The following OR52N5 variants were observed in gnomAD, a reference collection of about 807,000 sequenced individuals.
OR52N5 encodes olfactory receptor family 52 subfamily N member 5.
In OR52N5, 10 loss-of-function variants were observed where a neutral mutation model predicts 14.1. That is an observed-to-expected ratio of 0.71 (90% CI 0.44 to 1.20). The LOEUF (loss-of-function observed/expected upper bound fraction) is 1.20, where lower values mean the gene tolerates loss of function less well. Among genes scored for constraint, OR52N5 ranks in the 50% most tolerant of loss-of-function variants. The pLI is 0.00. For synonymous variants in OR52N5, 116 were observed against 143.0 expected, an observed-to-expected ratio of 0.81 and a Z score of 1.35; for missense variants, 361 against 403.2, an observed-to-expected ratio of 0.90 and a Z score of 0.90.
chr11:5,776,954 A>G lies in OR52N5; in HGVS notation c.*706T>C, dbSNP rs1238270818. On this transcript the variant is annotated 3_prime_UTR_variant, in exon 3 of 3. Coordinates refer to ENST00000641181, the MANE Select transcript of OR52N5 (RefSeq NM_001385662.1). ...GGTGGATCTCAAGGAGATAGAGAGT[A>G]GACTGGTGGTTACCAGATGCTGGGA... is the stretch of plus-strand genomic sequence containing the variant. The G allele has an allele frequency of 2.1e-5, 3 of 139,932 alleles. No individual in the cohort carries two copies. Among genetic ancestry groups the G allele is most frequent in the African/African-American group, 7.9e-5 (3 of 38,194 alleles). 8.7% of individuals were successfully genotyped at this position (139,932 alleles called of 1,614,324 possible). A position where few individuals can be genotyped will look rare whatever the true frequency, so the allele number is the denominator to read the frequency against.
intron 2 of OR52N5, 95 bp downstream of exon 2, chr11:5,781,438 A>C (rs1213020086): frequency 7.1e-6 from 1 of 140,328 alleles, no homozygotes; most frequent in Non-Finnish European, 1.6e-5. Flanking sequence ...CCCTGAGCCT[A>C]CCCGACTTCT....
chr11:5,780,677 T>C lies in OR52N5; in HGVS notation c.-24+856A>G, dbSNP rs1854542246. Among the ~76,000 whole-genome samples the C allele has an allele frequency of 2.2e-5, 3 of 138,826 alleles. 1 individual carries two copies. The highest frequency in any genetic ancestry group is 7.9e-5 in the African/African-American group (3 of 38,098). The allele number at this position is 138,826 out of a possible 152,430, so 91.1% of individuals were successfully genotyped here. On this transcript the variant is annotated intron_variant, in intron 2 of 2. Coordinates refer to ENST00000641181, the MANE Select transcript of OR52N5 (RefSeq NM_001385662.1). Reference sequence around the variant, plus strand: ...AATTGAATAATGTAGAAAAAATGGATTATTTGACTCAGTAACATACCAAGA... The same window carrying C: ...AATTGAATAATGTAGAAAAAATGGACTATTTGACTCAGTAACATACCAAGA...
chr11:5,777,970 C>T lies in OR52N5; in HGVS notation c.665G>A (p.Cys222Tyr), dbSNP rs938781613. 6.6e-7 allele frequency: 1 copy of T among 1,519,034 alleles called. No individual in the cohort carries two copies. Among genetic ancestry groups the T allele is most frequent in the East Asian group, 2.3e-5 (1 of 42,836 alleles). The allele number at this position is 1,519,034 out of a possible 1,614,324, so 94.1% of individuals were successfully genotyped here. ...ALLIGVFDIC[C>Y]ISLSYTLILK... ...GATCAAAGTGTAAGACAAAGATATA[C>T]AACAAATGTCAAACACTCCAATCAG... is the stretch of plus-strand genomic sequence containing the variant. Residue 222 changes from cysteine (C) to tyrosine (Y), a missense_variant, in exon 3 of 3, where the codon TGT becomes TAT. Cys to Tyr is a radical substitution (Grantham distance 194). Coordinates refer to ENST00000641181, the MANE Select transcript of OR52N5 (RefSeq NM_001385662.1).
At position 5,776,643 on chromosome 11, in the gene OR52N5, G is replaced by A. The variant is rs542575879; in HGVS notation, c.*1017C>T. ...TTCATACCAACGACTTGATTAAAAC[G>A]GGCAATGTAACTTTTGTCTTTCTGT... On this transcript the variant is annotated 3_prime_UTR_variant, in exon 3 of 3. Coordinates refer to ENST00000641181, the MANE Select transcript of OR52N5 (RefSeq NM_001385662.1). 24 of 139,818 alleles carry A rather than the reference G, an allele frequency of 1.7e-4. 4 individuals carry two copies. The highest frequency in any genetic ancestry group is 3.2e-4 in the Non-Finnish European group (20 of 63,198). The allele number at this position is 139,818 out of a possible 1,614,324, so 8.7% of individuals were successfully genotyped here. A position where few individuals can be genotyped will look rare whatever the true frequency, so the allele number is the denominator to read the frequency against.
At chr11:5,778,696 T>C (rs1854524469) in intron 2 of OR52N5, 39 bp from the exon 3 acceptor site, 1 of 1,149,930 alleles carries the variant, frequency 8.7e-7, no homozygotes, top group Non-Finnish European at 1.2e-6. Context: ...TCATTCAAAT[T>C]TTCCTTGCAA....
Position 5,782,976 on chromosome 11 carries a change from A to T in OR52N5, c.-248+319T>A, listed in dbSNP as rs1359136935. ...AGAGACAGTAAAGTTCTTACTGTCC[A>T]CTTCTCTGACCCTGGCATTACAGCA... On this transcript the variant is annotated intron_variant, in intron 1 of 2. Transcript: ENST00000641181. Among the ~76,000 whole-genome samples, 2 of 138,378 alleles carry T rather than the reference A, an allele frequency of 1.4e-5. 1 individual carries two copies. Among genetic ancestry groups the T allele is most frequent in the Admixed American group, 1.5e-4 (2 of 13,352 alleles). 90.8% of individuals were successfully genotyped at this position (138,378 alleles called of 152,430 possible).
rs1272524350 is a variant in OR52N5, at chr11:5,781,761, T to C, written c.-247-5A>G. On this transcript the variant is annotated splice_polypyrimidine_tract_variant and splice_region_variant and intron_variant, in intron 1 of 2. Coordinates refer to ENST00000641181, the MANE Select transcript of OR52N5 (RefSeq NM_001385662.1). Reference sequence around the variant, plus strand: ...AGCATCCATGGTTGCCTCTGGCTGTTTACAACAGAAAACAGGCTCCTTTGA... The same window carrying C: ...AGCATCCATGGTTGCCTCTGGCTGTCTACAACAGAAAACAGGCTCCTTTGA... The C allele has an allele frequency of 7.1e-6, 1 of 140,684 alleles. No individual in the cohort carries two copies. The highest frequency in any genetic ancestry group is 2.6e-5 in the African/African-American group (1 of 38,396). The allele number at this position is 140,684 out of a possible 1,614,324, so 8.7% of individuals were successfully genotyped here. A position where few individuals can be genotyped will look rare whatever the true frequency, so the allele number is the denominator to read the frequency against.
Position 5,777,552 on chromosome 11 carries a change from G to C in OR52N5, c.*108C>G. 1.2e-6 allele frequency: 1 copy of C among 860,830 alleles called. No homozygotes were observed. Among genetic ancestry groups the C allele is most frequent in the African/African-American group, 1.8e-5 (1 of 55,300 alleles). The allele number at this position is 860,830 out of a possible 1,614,324, so 53.3% of individuals were successfully genotyped here. On this transcript the variant is annotated 3_prime_UTR_variant, in exon 3 of 3. Transcript: ENST00000641181. ...CAGTTTCAGAAAACATAGACTGAGA[G>C]AGAAAATGTATGATACTACACATGA... is the stretch of plus-strand genomic sequence containing the variant.
At position 5,777,706 on chromosome 11, in the gene OR52N5, C is replaced by G. The variant is rs775551894; in HGVS notation, c.929G>C (p.Arg310Pro). The change falls in exon 3 of 3, where the codon CGC (arginine) becomes CCC (proline). Residue 310 changes from arginine to proline, a missense_variant. Arg to Pro is a moderately radical substitution (Grantham distance 103). Coordinates refer to ENST00000641181, the MANE Select transcript of OR52N5 (RefSeq NM_001385662.1). Reference sequence around the variant, plus strand: ...CTGGAAGAACTTTATGACACTCTTGCGTATCTGTTTTGTCTTTACTCCATA... The same window carrying G: ...CTGGAAGAACTTTATGACACTCTTGGGTATCTGTTTTGTCTTTACTCCATA... ...IVYGVKTKQI[R>P]KSVIKFFQGD... The G allele has an allele frequency of 6.6e-7, 1 of 1,505,330 alleles. No homozygotes were observed. Among genetic ancestry groups the G allele is most frequent in the Admixed American group, 1.9e-5 (1 of 53,646 alleles). 93.2% of individuals were successfully genotyped at this position (1,505,330 alleles called of 1,614,324 possible).
rs1462299635 is a variant in OR52N5, at chr11:5,783,314, G to A, written c.-267C>T. 7.2e-6 allele frequency: 1 copy of A among 139,860 alleles called. No individual in the cohort carries two copies. The highest frequency in any genetic ancestry group is 1.6e-5 in the Non-Finnish European group (1 of 63,256). 8.7% of individuals were successfully genotyped at this position (139,860 alleles called of 1,614,324 possible). On this transcript the variant is annotated 5_prime_UTR_variant, in exon 1 of 3. Transcript: ENST00000641181. ...TCTTACCCACAATATAGCTCCTGAG[G>A]AGAAGTGATGTGAAAGGTGTTCATG...
intron 2 of OR52N5, among the ~76,000 whole-genome samples, chr11:5,780,775 G>T (rs186605101): frequency 7.2e-6 from 1 of 139,526 alleles, no homozygotes; most frequent in Admixed American, 7.4e-5. Flanking sequence ...TTCAGCAAAG[G>T]TGCCAAGAAC....
At position 5,777,676 on chromosome 11, in the gene OR52N5, T is replaced by C; in HGVS notation, c.959A>G (p.Asp320Gly). 1.4e-6 allele frequency: 2 copies of C among 1,479,254 alleles called. No homozygotes were observed. Among genetic ancestry groups the C allele is most frequent in the Non-Finnish European group, 1.8e-6 (2 of 1,093,382 alleles). 91.6% of individuals were successfully genotyped at this position (1,479,254 alleles called of 1,614,324 possible). The part of the protein sequence containing the change: ...RKSVIKFFQG[D>G]KGAG ...TGCCTTGAATCAACCTGCACCCTTA[T>C]CACCCTGGAAGAACTTTATGACACT... Residue 320 changes from aspartate (D) to glycine (G), a missense_variant, in exon 3 of 3, where the codon GAT (aspartate) becomes GGT (glycine). Coordinates refer to ENST00000641181, the MANE Select transcript of OR52N5 (RefSeq NM_001385662.1).
chr11:5,778,334 T>C lies in OR52N5; in HGVS notation c.301A>G (p.Ile101Val), dbSNP rs1464329470. The change falls in exon 3 of 3, where the codon ATT becomes GTT. Residue 101 changes from isoleucine (I) to valine (V), a missense_variant. Transcript: ENST00000641181. ...TGGGCCAAGCAAGCATTGAAGTTAA[T>C]TTCTTTGAGACTGAACCAGAAGATG... ...LCIFWFSLKEINFNACLAQMF... is the reference protein window; with the variant it reads ...LCIFWFSLKEVNFNACLAQMF... The C allele has an allele frequency of 1.3e-6, 2 of 1,520,340 alleles. 1 individual carries two copies. The highest frequency in any genetic ancestry group is 2.9e-5 in the African/African-American group (2 of 69,784). 94.2% of individuals were successfully genotyped at this position (1,520,340 alleles called of 1,614,324 possible).
At chr11:5,780,953 A>C (rs1854545702) in intron 2 of OR52N5, among the ~76,000 whole-genome samples, 1 of 140,382 alleles carries the variant, frequency 7.1e-6, no homozygotes, top group Admixed American at 7.3e-5. Flanking sequence ...CTGAGATAGG[A>C]TGTTACTTTC....
chr11:5,780,274 A>G (rs930780008), intron 2 of OR52N5, among the ~76,000 whole-genome samples: 1 of 139,534 alleles, frequency 7.2e-6, no homozygotes, highest in African/African-American at 2.6e-5. Flanking sequence ...TGGCTTAAAC[A>G]ATGCATTATA....
chr11:5,777,064 G>A lies in OR52N5; in HGVS notation c.*596C>T, dbSNP rs1389595536. 2 of 139,476 alleles carry A rather than the reference G, an allele frequency of 1.4e-5. 1 individual carries two copies. Among genetic ancestry groups the A allele is most frequent in the Non-Finnish European group, 3.2e-5 (2 of 63,230 alleles). The allele number at this position is 139,476 out of a possible 1,614,324, so 8.6% of individuals were successfully genotyped here. A position where few individuals can be genotyped will look rare whatever the true frequency, so the allele number is the denominator to read the frequency against. On this transcript the variant is annotated 3_prime_UTR_variant, in exon 3 of 3. Coordinates refer to ENST00000641181, the MANE Select transcript of OR52N5 (RefSeq NM_001385662.1). ...AAAGAATAAGACATAGTGTTCAATA[G>A]TACAGTGGATAACTGTAGTTAACAA... is the stretch of plus-strand genomic sequence containing the variant.
In OR52N5 at chr11:5,778,442, G is replaced by A; in HGVS notation, c.193C>T (p.His65Tyr). Residue 65 changes from histidine (H) to tyrosine (Y), a missense_variant, in exon 3 of 3, where the codon CAT becomes TAT. Coordinates refer to ENST00000641181, the MANE Select transcript of OR52N5 (RefSeq NM_001385662.1). ...YLIYYEESLH[H>Y]PMYFFFGHAL... ...TGGCCAAAAAAAAAATACATCGGAT[G>A]ATGTAAGGACTCCTCATAATAAATG... is the stretch of plus-strand genomic sequence containing the variant. The A allele has an allele frequency of 1.3e-6, 2 of 1,515,276 alleles. No homozygotes were observed. The highest frequency in any genetic ancestry group is 1.4e-5 in the African/African-American group (1 of 69,764). 93.9% of individuals were successfully genotyped at this position (1,515,276 alleles called of 1,614,324 possible).
At position 5,778,503 on chromosome 11, in the gene OR52N5, G is replaced by A. The variant is rs1287997341; in HGVS notation, c.132C>T (p.Ile44=). ...GACCAAGATTCCCCACAAGGAAGAT[G>A]ATGTACATTGTGCAGAGTGGGAGGG... is the stretch of plus-strand genomic sequence containing the variant. The part of the protein sequence containing the change: ...WISLPLCTMY[I]IFLVGNLGLV... The change falls in exon 3 of 3, where the codon ATC becomes ATT. Residue 44 remains isoleucine, a synonymous_variant. Coordinates refer to ENST00000641181, the MANE Select transcript of OR52N5 (RefSeq NM_001385662.1). 1 of 1,517,006 alleles carries A rather than the reference G, an allele frequency of 6.6e-7. No homozygotes were observed. The highest frequency in any genetic ancestry group is 1.4e-5 in the African/African-American group (1 of 69,842). The allele number at this position is 1,517,006 out of a possible 1,614,324, so 94.0% of individuals were successfully genotyped here.
In OR52N5 at chr11:5,782,053, T is replaced by C. The variant is rs1414002625; in HGVS notation, c.-247-297A>G. On this transcript the variant is annotated intron_variant, in intron 1 of 2. Coordinates refer to ENST00000641181, the MANE Select transcript of OR52N5 (RefSeq NM_001385662.1). ...ATCCAGAAAAGAGACTTCTAGATTCTCTTATGCTATTTTATCTTTTCTGTT... is the reference window on the plus strand; with the variant it reads ...ATCCAGAAAAGAGACTTCTAGATTCCCTTATGCTATTTTATCTTTTCTGTT... 1.1e-4 allele frequency among the ~76,000 whole-genome samples: 16 copies of C among 140,150 alleles called. 3 individuals are homozygous for C. The East Asian group carries it at 3.1e-3, about 27-fold the overall frequency. The allele number at this position is 140,150 out of a possible 152,430, so 91.9% of individuals were successfully genotyped here. A position where few individuals can be genotyped will look rare whatever the true frequency, so the allele number is the denominator to read the frequency against.
Sources: gnomAD v4.1 joint callset for allele counts (sites outside exome capture counted in the v4.1 genomes callset) on GRCh38, gnomAD v4.1.1 for gene constraint, MANE v1.5 for transcripts, NCBI Gene and HGNC (gene_info 2026-07-23, HGNC 2026-07-21) for gene names.